Variants in TBC1D24 observed in about 807,000 individuals in gnomAD.
TBC1D24 encodes the protein TBC1 domain family member 24.
TBC1D24 carries 47 observed loss-of-function variants against 50.7 expected under a neutral mutation model. The observed-to-expected ratio is 0.93, with a 90% CI of 0.73 to 1.18. The LOEUF (loss-of-function observed/expected upper bound fraction) is 1.18, where lower values mean the gene tolerates loss of function less well. Ranked by LOEUF, TBC1D24 falls within the 50% of genes most tolerant of loss-of-function variation. The probability of loss-of-function intolerance (pLI) is 0.00; values close to 1 mark genes in which losing one functional copy is unlikely to be tolerated. For missense variants in TBC1D24, 688 were observed against 766.5 expected, an observed-to-expected ratio of 0.90 and a Z score of 1.21; for synonymous variants, 324 against 335.2, an observed-to-expected ratio of 0.97 and a Z score of 0.36.
intron 1 of TBC1D24, chr16:2,480,235 A>G (rs1196763595): frequency 6.6e-6 from 1 of 152,156 alleles, no homozygotes; most frequent in African/African-American, 2.4e-5. Flanking sequence ...GGCTCAAGCC[A>G]TCCTCCCACC....
At position 2,486,058 on chromosome 16, in the gene TBC1D24, G is replaced by C. The variant is rs9933725; in HGVS notation, c.-115-9976G>C. On this transcript the variant is annotated intron_variant, in intron 1 of 7. Coordinates refer to ENST00000646147, the MANE Select transcript of TBC1D24 (RefSeq NM_001199107.2). This position sits in a 1 kb window ranked among gnomAD's most constrained non-coding sequence, Gnocchi z 5.8. ...CCTCCCCTGCCTGGCGGGTGGGGTC[G>C]GTGCTCAGGAGCGGGTGGGGCCTGC... is the stretch of plus-strand genomic sequence containing the variant. Among the ~76,000 whole-genome samples the C allele has an allele frequency of 0.02, 2,983 of 152,266 alleles. 101 individuals are homozygous for C. The highest frequency in any genetic ancestry group is 0.067 in the African/African-American group (2,798 of 41,528).
At position 2,498,220 on chromosome 16, in the gene TBC1D24, C is replaced by G; in HGVS notation, c.984-18C>G. 1 of 1,592,970 alleles carries G rather than the reference C, an allele frequency of 6.3e-7. No homozygotes were observed. Among genetic ancestry groups the G allele is most frequent in the Non-Finnish European group, 8.6e-7 (1 of 1,168,966 alleles). ...CCAGACGTGCCTTCGGGCTCTGACC[C>G]CTGCTCGCTCCCCTCAGGCAGTTTG... On this transcript the variant is annotated intron_variant, in intron 3 of 7. Coordinates refer to ENST00000646147, the MANE Select transcript of TBC1D24 (RefSeq NM_001199107.2).
intron 1 of TBC1D24, among the ~76,000 whole-genome samples, chr16:2,488,437 A>G (rs1596960649): frequency 6.6e-6 from 1 of 151,530 alleles, no homozygotes; most frequent in Non-Finnish European, 1.5e-5. Context: ...TGACATATCA[A>G]GATAACATTT....
rs771442254 is a variant in TBC1D24, at chr16:2,496,777, C to T, written c.629C>T (p.Ala210Val). The change falls in exon 2 of 8, where the codon GCG (alanine) becomes GTG (valine). Residue 210 changes from alanine (A) to valine (V), a missense_variant. Ala to Val is a moderately conservative substitution (Grantham distance 64). Coordinates refer to ENST00000646147, the MANE Select transcript of TBC1D24 (RefSeq NM_001199107.2). ...AVSEDVLQVY[A>V]DWQRWLFGEL... ...TCGGAGGATGTCCTGCAGGTCTATGCGGACTGGCAGCGCTGGCTGTTTGGG... is the reference window on the plus strand; with the variant it reads ...TCGGAGGATGTCCTGCAGGTCTATGTGGACTGGCAGCGCTGGCTGTTTGGG... The T allele has an allele frequency of 6.2e-6, 10 of 1,613,926 alleles. No homozygotes were observed. The highest frequency in any genetic ancestry group is 2.2e-5 in the East Asian group (1 of 44,884).
chr16:2,495,518 C>T (rs546857210), intron 1 of TBC1D24, among the ~76,000 whole-genome samples: 6 of 151,752 alleles, frequency 4.0e-5, no homozygotes, highest in South Asian at 4.2e-4. Flanking sequence ...CGGTGGCTCT[C>T]GTCTGTAATC....
At chr16:2,493,007 G>A (rs991125026) in intron 1 of TBC1D24, among the ~76,000 whole-genome samples, 33 of 151,882 alleles carry the variant, frequency 2.2e-4, no homozygotes, top group Admixed American at 1.8e-3. Flanking sequence ...CAGGGGAATC[G>A]CTTGAACCCA....
Position 2,500,157 on chromosome 16 carries a change from A to C in TBC1D24, c.1303-111A>C, listed in dbSNP as rs895692302. On this transcript the variant is annotated intron_variant, in intron 6 of 7. Transcript: ENST00000646147. The surrounding 1 kb of genome is among the most constrained non-coding windows in gnomAD (Gnocchi z 8.0). ...CTCCCCAGCCCCTGGCTCGGGCTGC[A>C]CCCACCTTGGGCTCTGGGTGCAGAT... is the stretch of plus-strand genomic sequence containing the variant. 336 of 1,190,658 alleles carry C rather than the reference A, an allele frequency of 2.8e-4. 3 individuals carry two copies. The East Asian group carries it at 8.4e-3, about 30-fold the overall frequency. The allele number at this position is 1,190,658 out of a possible 1,614,324, so 73.8% of individuals were successfully genotyped here.
chr16:2,486,070 C>T lies in TBC1D24; in HGVS notation c.-115-9964C>T, dbSNP rs529704083. On this transcript the variant is annotated intron_variant, in intron 1 of 7. Transcript: ENST00000646147. The surrounding 1 kb of genome is among the most constrained non-coding windows in gnomAD (Gnocchi z 5.8). ...GGCGGGTGGGGTCGGTGCTCAGGAG[C>T]GGGTGGGGCCTGCCGGTCTCCCTAG... is the stretch of plus-strand genomic sequence containing the variant. Among the ~76,000 whole-genome samples, 3 of 152,156 alleles carry T rather than the reference C, an allele frequency of 2.0e-5. No individual in the cohort carries two copies. The highest frequency in any genetic ancestry group is 1.3e-4 in the Admixed American group (2 of 15,280).
chr16:2,495,268 A>G (rs1055789017), intron 1 of TBC1D24, among the ~76,000 whole-genome samples: 4 of 152,138 alleles, frequency 2.6e-5, no homozygotes, highest in Non-Finnish European at 5.9e-5. Flanking sequence ...GGATCACCTG[A>G]GCCCAGGAGG....
chr16:2,496,595 C>T lies in TBC1D24; in HGVS notation c.447C>T (p.Ala149=), dbSNP rs755794991. The change falls in exon 2 of 8, where the codon GCC becomes GCT. Residue 149 remains alanine (A), a synonymous_variant. Transcript: ENST00000646147. ...TGCTGCACTACAGCATCGACGAGGC[C>T]GAGTGCTTCGAGAAGGCCTGCCGCA... ...ALLLHYSIDE[A]ECFEKACRIL... The T allele has an allele frequency of 6.6e-5, 107 of 1,609,804 alleles. No homozygotes were observed. The highest frequency in any genetic ancestry group is 8.3e-5 in the Admixed American group (5 of 60,000).
rs2065820141 is a variant in TBC1D24, at chr16:2,504,549, G to C, written c.*3591G>C. The C allele has an allele frequency of 6.6e-6, 1 of 151,324 alleles. No individual in the cohort carries two copies. Among genetic ancestry groups the C allele is most frequent in the African/African-American group, 2.4e-5 (1 of 41,118 alleles). The allele number at this position is 151,324 out of a possible 1,614,324, so 9.4% of individuals were successfully genotyped here. ...TTCTCCTGCCTCAGCCTCCTGAGTA[G>C]CTGGGACTACAGGCACCTGCTACCA... On this transcript the variant is annotated 3_prime_UTR_variant, in exon 8 of 8. Transcript: ENST00000646147.
rs1369238698 is a variant in TBC1D24 at position 2,496,843 on chromosome 16, TCCTGG to T, written c.696_700del (p.Leu233GlyfsTer49). 1 of 1,613,974 alleles carries T rather than the reference TCCTGG, an allele frequency of 6.2e-7. No individual in the cohort carries two copies. Among genetic ancestry groups the T allele is most frequent in the African/African-American group, 1.3e-5 (1 of 74,902 alleles). On this transcript the variant is annotated frameshift_variant, in exon 2 of 8. Transcript: ENST00000646147. LOFTEE classifies it high-confidence loss of function. ...TACTTCGCCCGGGTCTTTGACGTCT[TCCTGG>T]TGGAGGGCTACAAGGTGCTGTACCG...
chr16:2,501,423 T>C lies in TBC1D24; in HGVS notation c.*465T>C, dbSNP rs2065793260. ...CCCTCCTGAGCAGGGCCCTGCAGCCTGGCTGGCTGGCGACTGAATCCCAGC... is the reference window on the plus strand; with the variant it reads ...CCCTCCTGAGCAGGGCCCTGCAGCCCGGCTGGCTGGCGACTGAATCCCAGC... On this transcript the variant is annotated 3_prime_UTR_variant, in exon 8 of 8. Coordinates refer to ENST00000646147, the MANE Select transcript of TBC1D24 (RefSeq NM_001199107.2). 1 of 178,248 alleles carries C rather than the reference T, an allele frequency of 5.6e-6. No individual in the cohort carries two copies. Among genetic ancestry groups the C allele is most frequent in the Non-Finnish European group, 1.2e-5 (1 of 82,516 alleles). 11.0% of individuals were successfully genotyped at this position (178,248 alleles called of 1,614,324 possible).
At chr16:2,491,989 C>CCACCAGG (rs2065698851) in intron 1 of TBC1D24, among the ~76,000 whole-genome samples, 1 of 151,986 alleles carries the variant, frequency 6.6e-6, no homozygotes, top group Non-Finnish European at 1.5e-5. Context: ...CAGGTGCATG[C>CCACCAGG]CACCAGGCCT....
Position 2,505,579 on chromosome 16 carries a change from C to T in TBC1D24, c.*4621C>T, listed in dbSNP as rs1410295647. On this transcript the variant is annotated 3_prime_UTR_variant, in exon 8 of 8. Coordinates refer to ENST00000646147, the MANE Select transcript of TBC1D24 (RefSeq NM_001199107.2). ...GTTTATTGGACTGATGCTTTGGAGC[C>T]TCTCAATGAATGTAATAAAAAAAAT... 1 of 152,122 alleles carries T rather than the reference C, an allele frequency of 6.6e-6. No homozygotes were observed. Among genetic ancestry groups the T allele is most frequent in the African/African-American group, 2.4e-5 (1 of 41,418 alleles). The allele number at this position is 152,122 out of a possible 1,614,324, so 9.4% of individuals were successfully genotyped here. A position where few individuals can be genotyped will look rare whatever the true frequency, so the allele number is the denominator to read the frequency against.
In TBC1D24 at chr16:2,505,691, T is replaced by G. The variant is rs931267621; in HGVS notation, c.*4733T>G. ...GTGAGTTAGTGATATGTTTGGTTGG[T>G]GTTAATTTGAGTCCTAAATAAAATC... On this transcript the variant is annotated 3_prime_UTR_variant, in exon 8 of 8. Transcript: ENST00000646147. 1.3e-5 allele frequency: 2 copies of G among 152,214 alleles called. No individual in the cohort carries two copies. The highest frequency in any genetic ancestry group is 2.1e-4 in the South Asian group (1 of 4,832). The allele number at this position is 152,214 out of a possible 1,614,324, so 9.4% of individuals were successfully genotyped here.
In TBC1D24 at chr16:2,500,006, T is replaced by TG. The variant is rs2065777826; in HGVS notation, c.1302+80dup. 1 of 1,357,404 alleles carries TG rather than the reference T, an allele frequency of 7.4e-7. No individual in the cohort carries two copies. The highest frequency in any genetic ancestry group is 1.4e-5 in the African/African-American group (1 of 69,656). The allele number at this position is 1,357,404 out of a possible 1,614,324, so 84.1% of individuals were successfully genotyped here. ...TCCCTCCAGGAGCACCCGCCTGCCC[T>TG]GGGGACACTGTTGGGTGTCGCCATG... On this transcript the variant is annotated intron_variant, in intron 6 of 7. Coordinates refer to ENST00000646147, the MANE Select transcript of TBC1D24 (RefSeq NM_001199107.2). The surrounding 1 kb of genome is among the most constrained non-coding windows in gnomAD (Gnocchi z 8.0).
intron 1 of TBC1D24, among the ~76,000 whole-genome samples, chr16:2,490,186 G>A (rs532881232): frequency 6.6e-6 from 1 of 152,300 alleles, no homozygotes; most frequent in Admixed American, 6.5e-5. Flanking sequence ...GTCTGTGTCT[G>A]TAATTCTTGT....
intron 1 of TBC1D24, among the ~76,000 whole-genome samples, chr16:2,488,831 C>T (rs1349187343): frequency 4.4e-5 from 6 of 137,056 alleles, no homozygotes; most frequent in African/African-American, 1.4e-4. Context: ...GAGGCCGAGG[C>T]GGGTGGATCA....
Sources: allele counts gnomAD v4.1 joint callset (sites outside exome capture counted in the v4.1 genomes callset), GRCh38; gene constraint gnomAD v4.1.1; non-coding constraint Gnocchi (gnomAD v3.1); transcripts MANE v1.5; gene names NCBI Gene and HGNC (gene_info 2026-07-23, HGNC 2026-07-21).